The following IFTAP variants were observed in gnomAD, a reference collection of about 807,000 sequenced individuals.
IFTAP encodes the protein intraflagellar transport associated protein, also known as intraflagellar transport-associated protein.
A neutral mutation model predicts 19.4 loss-of-function variants in IFTAP; 19 were observed. That is an observed-to-expected ratio of 0.98 (90% CI 0.68 to 1.44). The LOEUF (loss-of-function observed/expected upper bound fraction) is 1.44, where lower values mean the gene tolerates loss of function less well. IFTAP is among the 40% of genes most tolerant of loss of function. The pLI is 0.00. For synonymous variants in IFTAP, 85 were observed against 83.5 expected, an observed-to-expected ratio of 1.02 and a Z score of -0.10; for missense variants, 240 against 253.6, an observed-to-expected ratio of 0.95 and a Z score of 0.36.
chr11:36,633,057 G>T (rs1852789261), intron 2 of IFTAP, among the ~76,000 whole-genome samples: 1 of 151,212 alleles, frequency 6.6e-6, no homozygotes, highest in Non-Finnish European at 1.5e-5. Flanking sequence ...TGCTGGATAT[G>T]TAATAGGCAC....
chr11:36,622,820 CT>C (rs1852354079), intron 2 of IFTAP, among the ~76,000 whole-genome samples: 2 of 152,092 alleles, frequency 1.3e-5, no homozygotes, highest in South Asian at 4.1e-4. Context: ...AAAATATTGT[CT>C]ACAGTGTTAG....
chr11:36,649,915 G>A (rs1853642530), intron 5 of IFTAP, among the ~76,000 whole-genome samples: 1 of 152,082 alleles, frequency 6.6e-6, no homozygotes, highest in African/African-American at 2.4e-5. Context: ...AATCCAAAAT[G>A]CTCCAAAATT....
At chr11:36,605,988 A>G (rs1268305684) in intron 1 of IFTAP, among the ~76,000 whole-genome samples, 2 of 152,196 alleles carry the variant, frequency 1.3e-5, no homozygotes, top group Non-Finnish European at 2.9e-5. Flanking sequence ...ACCCACTAGG[A>G]TTTGCATAAA....
At chr11:36,658,986 G>A in intron 5 of IFTAP, 33 bp from the exon 6 acceptor site, 1 of 1,457,516 alleles carries the variant, frequency 6.9e-7, no homozygotes. Flanking sequence ...CAATGATTGT[G>A]TATGTTTTTT....
At chr11:36,646,063 G>T (rs984473282) in intron 4 of IFTAP, among the ~76,000 whole-genome samples, 5 of 152,160 alleles carry the variant, frequency 3.3e-5, no homozygotes, top group Admixed American at 2.0e-4. Context: ...TATTTTGAAA[G>T]AATTGTTCCC....
At chr11:36,642,612 A>T (rs1333640449) in intron 4 of IFTAP, among the ~76,000 whole-genome samples, 1 of 152,170 alleles carries the variant, frequency 6.6e-6, no homozygotes, top group Non-Finnish European at 1.5e-5. Flanking sequence ...TCCTCAATAA[A>T]ATACTAGCAA....
intron 4 of IFTAP, among the ~76,000 whole-genome samples, chr11:36,641,085 A>G (rs552231524): frequency 1.4e-4 from 21 of 152,230 alleles, no homozygotes; most frequent in Non-Finnish European, 2.9e-4. Context: ...CCCCTTTCCA[A>G]CTACCTATCT....
chr11:36,614,865 A>G (rs982872559), intron 2 of IFTAP, among the ~76,000 whole-genome samples: 2 of 148,090 alleles, frequency 1.4e-5, no homozygotes, highest in African/African-American at 2.6e-5. Context: ...CCCATTTTGT[A>G]GGTTGCCTGT....
At chr11:36,619,091 A>G (rs567257638) in intron 2 of IFTAP, among the ~76,000 whole-genome samples, 11 of 152,136 alleles carry the variant, frequency 7.2e-5, no homozygotes, top group African/African-American at 2.6e-4. Context: ...CTTCAAAGTT[A>G]CACAGTTCTC....
intron 4 of IFTAP, among the ~76,000 whole-genome samples, chr11:36,637,885 CT>C (rs11322653): frequency 0.14 from 19,659 of 145,510 alleles, 1,333 homozygotes; most frequent in Admixed American, 0.2. Context: ...TTATGTCAAT[CT>C]TTTTTTTTTT....
intron 3 of IFTAP, among the ~76,000 whole-genome samples, chr11:36,635,239 G>A (rs1852897704): frequency 6.6e-6 from 1 of 152,110 alleles, no homozygotes. Context: ...GAGCATAAAA[G>A]GCATTGCAAC....
intron 4 of IFTAP, among the ~76,000 whole-genome samples, chr11:36,641,184 G>C (rs1225520873): frequency 6.6e-6 from 1 of 151,926 alleles, no homozygotes; most frequent in Non-Finnish European, 1.5e-5. Flanking sequence ...ACTTTCTTCT[G>C]TTCAGCCAGA....
intron 5 of IFTAP, among the ~76,000 whole-genome samples, chr11:36,650,955 T>G (rs779037203): frequency 9.9e-5 from 15 of 152,246 alleles, no homozygotes; most frequent in Non-Finnish European, 1.6e-4. Context: ...CAGTCTATCA[T>G]TGATGGACAT....
intron 2 of IFTAP, among the ~76,000 whole-genome samples, chr11:36,627,824 C>A (rs1037800584): frequency 2.7e-5 from 4 of 150,836 alleles, no homozygotes; most frequent in African/African-American, 9.9e-5. Flanking sequence ...TTTGCACCCA[C>A]CATCACAGAG....
chr11:36,605,696 T>C (rs1345618577), intron 1 of IFTAP, among the ~76,000 whole-genome samples: 3 of 152,184 alleles, frequency 2.0e-5, no homozygotes, highest in Non-Finnish European at 2.9e-5. Flanking sequence ...CATGGAGCAG[T>C]GCATGCTCCC....
chr11:36,638,097 G>A (rs1422773649), intron 4 of IFTAP, among the ~76,000 whole-genome samples: 3 of 151,990 alleles, frequency 2.0e-5, no homozygotes, highest in Non-Finnish European at 4.4e-5. Context: ...GCCCAGGCTG[G>A]TCTTGAACTC....
At chr11:36,633,579 C>G in intron 3 of IFTAP, 141 bp downstream of exon 3, 3 of 576,040 alleles carry the variant, frequency 5.2e-6, no homozygotes, top group Non-Finnish European at 7.8e-6. Context: ...CATTGGGGCA[C>G]TTTATTGAAA....
At chr11:36,611,387 T>A (rs190519992) in intron 2 of IFTAP, among the ~76,000 whole-genome samples, 164 of 152,006 alleles carry the variant, frequency 1.1e-3, no homozygotes, top group Non-Finnish European at 1.9e-3. Flanking sequence ...GGATTCGTAT[T>A]TTATTAAAAA....
chr11:36,624,989 C>T (rs547666823), intron 2 of IFTAP, among the ~76,000 whole-genome samples: 1 of 152,184 alleles, frequency 6.6e-6, no homozygotes, highest in Non-Finnish European at 1.5e-5. Context: ...AGTCTATTGT[C>T]CTATAGATAA....
Sources: gnomAD v4.1 joint callset for allele counts (sites outside exome capture counted in the v4.1 genomes callset) on GRCh38, gnomAD v4.1.1 for gene constraint, MANE v1.5 for transcripts, NCBI Gene and HGNC (gene_info 2026-07-23, HGNC 2026-07-21) for gene names.